MEIS1: variants seen among roughly 807,000 people sequenced by gnomAD.
MEIS1 encodes the protein homeobox protein Meis1.
MEIS1 carries 5 observed loss-of-function variants against 50.8 expected under a neutral mutation model. The observed-to-expected ratio is 0.10, with a 90% CI of 0.05 to 0.21. MEIS1 has a LOEUF of 0.21. Ranked by LOEUF, MEIS1 falls within the 10% of genes least tolerant of loss-of-function variation. The pLI is 1.00. For synonymous variants in MEIS1, 176 were observed against 179.3 expected, an observed-to-expected ratio of 0.98 and a Z score of 0.15; for missense variants, 318 against 517.3, an observed-to-expected ratio of 0.61 and a Z score of 3.74.
chr2:66,572,647 A>G lies in MEIS1; in HGVS notation c.*1439A>G, dbSNP rs549372830. ...TAACAATCATTGCACACTGAGTCTT[A>G]GCGTTTCTGATGGAAACAGTTTGGA... On this transcript the variant is annotated 3_prime_UTR_variant, in exon 13 of 13. Coordinates refer to ENST00000272369, the MANE Select transcript of MEIS1 (RefSeq NM_002398.3). 5 of 152,310 alleles carry G rather than the reference A, an allele frequency of 3.3e-5. No individual in the cohort carries two copies. The East Asian group carries it at 9.7e-4, about 29-fold the overall frequency. The allele number at this position is 152,310 out of a possible 1,614,324, so 9.4% of individuals were successfully genotyped here. A position where few individuals can be genotyped will look rare whatever the true frequency, so the allele number is the denominator to read the frequency against.
chr2:66,511,758 G>A (rs1673835463), intron 7 of MEIS1, among the ~76,000 whole-genome samples: 1 of 152,148 alleles, frequency 6.6e-6, no homozygotes, highest in Non-Finnish European at 1.5e-5. Context: ...AATGACTGTG[G>A]GATTTGAATG....
chr2:66,500,906 A>G (rs912779153), intron 7 of MEIS1, among the ~76,000 whole-genome samples: 1 of 152,232 alleles, frequency 6.6e-6, no homozygotes, highest in African/African-American at 2.4e-5. Flanking sequence ...ACTAAATTAC[A>G]TAGCAAGCTT....
chr2:66,504,342 T>C (rs2103837322), intron 7 of MEIS1, among the ~76,000 whole-genome samples: 1 of 152,108 alleles, frequency 6.6e-6, no homozygotes, highest in African/African-American at 2.4e-5. Flanking sequence ...CAAGCGATTC[T>C]CCTGCCTCAG....
chr2:66,541,405 T>C (rs1572891228), intron 8 of MEIS1, among the ~76,000 whole-genome samples: 2 of 152,218 alleles, frequency 1.3e-5, no homozygotes, highest in East Asian at 3.8e-4. Context: ...ATTATAAATA[T>C]AGTCTTAGTA....
chr2:66,493,947 T>C (rs17568672), intron 7 of MEIS1, among the ~76,000 whole-genome samples: 2,347 of 152,324 alleles, frequency 0.015, 32 homozygotes, highest in Middle Eastern at 0.075. Flanking sequence ...GTATTTCATT[T>C]GGTGGCAATA....
chr2:66,464,544 CT>C (rs1672591222), intron 7 of MEIS1, among the ~76,000 whole-genome samples: 1 of 152,196 alleles, frequency 6.6e-6, no homozygotes, highest in South Asian at 2.1e-4. Context: ...ATTATTACTA[CT>C]TGCCCTCAGA....
chr2:66,459,013 A>G (rs888902829), intron 6 of MEIS1, among the ~76,000 whole-genome samples: 4 of 152,234 alleles, frequency 2.6e-5, no homozygotes, highest in African/African-American at 9.6e-5. Context: ...CATAGTGTAG[A>G]ATTGTAGACA....
chr2:66,513,924 A>G (rs1361827237), intron 8 of MEIS1, among the ~76,000 whole-genome samples: 1 of 152,180 alleles, frequency 6.6e-6, no homozygotes, highest in Non-Finnish European at 1.5e-5. Context: ...TGAAAAACGA[A>G]TGATATGACA....
At chr2:66,530,558 C>CA (rs1159620073) in intron 8 of MEIS1, among the ~76,000 whole-genome samples, 1 of 151,812 alleles carries the variant, frequency 6.6e-6, no homozygotes, top group Non-Finnish European at 1.5e-5. Context: ...CCTAAAAATA[C>CA]AAAAAAAATT....
At chr2:66,559,522 T>G (rs1189116214) in intron 9 of MEIS1, among the ~76,000 whole-genome samples, 3 of 152,224 alleles carry the variant, frequency 2.0e-5, no homozygotes, top group Non-Finnish European at 4.4e-5. Context: ...TGACTTCTTG[T>G]GAATATGGAA....
At chr2:66,567,646 T>C (rs1168992873) in intron 10 of MEIS1, 135 bp downstream of exon 10, 2 of 789,148 alleles carry the variant, frequency 2.5e-6, no homozygotes, top group African/African-American at 1.7e-5. Context: ...ATTAAACCAG[T>C]TTCGTTTCAT....
intron 2 of MEIS1, chr2:66,439,629 T>A: frequency 6.5e-7 from 1 of 1,537,564 alleles, no homozygotes; most frequent in Non-Finnish European, 8.7e-7. Flanking sequence ...ATACCGTCCA[T>A]GGCTCAGGGC....
At chr2:66,496,257 G>A (rs553768032) in intron 7 of MEIS1, 1 of 152,294 alleles carries the variant, frequency 6.6e-6, no homozygotes, top group South Asian at 2.1e-4. Context: ...GGGCGTGGGG[G>A]GCAGTGTGTG....
At chr2:66,538,827 A>T (rs910114374) in intron 8 of MEIS1, among the ~76,000 whole-genome samples, 1 of 152,192 alleles carries the variant, frequency 6.6e-6, no homozygotes, top group African/African-American at 2.4e-5. Context: ...GGCATATTGT[A>T]GTGTGGTTAG....
intron 2 of MEIS1, chr2:66,439,080 C>CT (rs770879627): frequency 6.7e-3 from 604 of 90,080 alleles, no homozygotes; most frequent in Middle Eastern, 0.038. Flanking sequence ...TCTTCTTCTT[C>CT]TTTTTTTTTT....
chr2:66,448,809 T>A (rs1672214640), intron 6 of MEIS1, among the ~76,000 whole-genome samples: 1 of 152,048 alleles, frequency 6.6e-6, no homozygotes, highest in South Asian at 2.1e-4. Context: ...GAACATGAAA[T>A]AAGACTTCCT....
At chr2:66,557,377 C>G (rs1325975307) in intron 9 of MEIS1, among the ~76,000 whole-genome samples, 1 of 152,194 alleles carries the variant, frequency 6.6e-6, no homozygotes, top group Non-Finnish European at 1.5e-5. Context: ...AATTAAAAGA[C>G]ATTTTCACCA....
At chr2:66,443,272 C>T in intron 6 of MEIS1, 1 of 502,552 alleles carries the variant, frequency 2.0e-6, no homozygotes, top group South Asian at 3.3e-5. Flanking sequence ...GCTTTGCTAG[C>T]AAACTTGACC....
chr2:66,445,522 T>C (rs1672111170), intron 6 of MEIS1, among the ~76,000 whole-genome samples: 1 of 152,220 alleles, frequency 6.6e-6, no homozygotes, highest in South Asian at 2.1e-4. Context: ...CCTCTCCACC[T>C]GTCTGCGAAT....
Sources: allele counts gnomAD v4.1 joint callset (sites outside exome capture counted in the v4.1 genomes callset), GRCh38; gene constraint gnomAD v4.1.1; transcripts MANE v1.5; gene names NCBI Gene and HGNC (gene_info 2026-07-23, HGNC 2026-07-21).